RBFOX1: variants seen among roughly 807,000 people sequenced by gnomAD.
RBFOX1 encodes the protein RNA binding fox-1 homolog 1, also known as RNA binding protein fox-1 homolog 1.
RBFOX1 carries 8 observed loss-of-function variants against 57.7 expected under a neutral mutation model. The ratio of observed to expected loss-of-function variants is 0.14; its 90% confidence interval spans 0.08 to 0.25. The LOEUF is 0.25. Ranked by LOEUF, RBFOX1 falls within the 10% of genes least tolerant of loss-of-function variation. RBFOX1 has a pLI of 1.00. For synonymous variants in RBFOX1, 326 were observed against 222.4 expected, an observed-to-expected ratio of 1.47 and a Z score of -4.15; for missense variants, 611 against 548.5, an observed-to-expected ratio of 1.11 and a Z score of -1.14.
chr16:7,696,445 ATTTTCCAGGGTGGGCTAGT>A (rs1338704955), intron 14 of RBFOX1, among the ~76,000 whole-genome samples: 1 of 152,076 alleles, frequency 6.6e-6, no homozygotes, highest in African/African-American at 2.4e-5. Flanking sequence ...TTCATTAGGA[ATTTTCCAGGGTGGGCTAGT>A]GATTGTAGTA....
chr16:7,376,727 C>G (rs957822582), intron 4 of RBFOX1, among the ~76,000 whole-genome samples: 1 of 152,080 alleles, frequency 6.6e-6, no homozygotes, highest in Non-Finnish European at 1.5e-5. Flanking sequence ...ATAATTAATC[C>G]AGGTTTTAGA....
chr16:6,907,274 G>T (rs759662879), intron 3 of RBFOX1, among the ~76,000 whole-genome samples: 1 of 152,176 alleles, frequency 6.6e-6, no homozygotes, highest in African/African-American at 2.4e-5. Flanking sequence ...AGTGCTGACA[G>T]TGAGAGTCAT....
At chr16:7,214,087 A>T (rs942423291) in intron 4 of RBFOX1, among the ~76,000 whole-genome samples, 27 of 150,458 alleles carry the variant, frequency 1.8e-4, no homozygotes, top group South Asian at 1.3e-3. Context: ...AAAAAAAAAA[A>T]ATTTTTCCAC....
Position 5,624,973 on chromosome 16 carries a change from G to A in RBFOX1, c.318+26012G>A, listed in dbSNP as rs183076003. 3.8e-3 allele frequency among the ~76,000 whole-genome samples: 579 copies of A among 152,322 alleles called. 1 individual carries two copies. The highest frequency in any genetic ancestry group is 0.024 in the Middle Eastern group (7 of 294). On this transcript the variant is annotated intron_variant, in intron 3 of 19. Transcript: ENST00000641259. ...GGACCCCACCCGGATTTGGGGCCGT[G>A]TGATTGAGGGTGACTCTCGGGCCAG...
At chr16:7,605,626 C>G (rs1478547174) in intron 9 of RBFOX1, among the ~76,000 whole-genome samples, 1 of 152,088 alleles carries the variant, frequency 6.6e-6, no homozygotes, top group Non-Finnish European at 1.5e-5. Flanking sequence ...GTTAAGAACA[C>G]CTCTGGGCTA....
intron 1 of RBFOX1, among the ~76,000 whole-genome samples, chr16:6,043,262 C>T (rs1408775991): frequency 6.7e-6 from 1 of 149,182 alleles, no homozygotes; most frequent in African/African-American, 2.4e-5. Flanking sequence ...GTTTTCAGAT[C>T]TTAAAAGGTG....
chr16:7,209,576 C>A (rs1304792148), intron 4 of RBFOX1, among the ~76,000 whole-genome samples: 2 of 152,282 alleles, frequency 1.3e-5, no homozygotes, highest in South Asian at 4.1e-4. Context: ...AGAGGCCAAC[C>A]CTCACCTTCT....
At chr16:6,269,072 A>G (rs1261411468) in intron 1 of RBFOX1, among the ~76,000 whole-genome samples, 1 of 152,224 alleles carries the variant, frequency 6.6e-6, no homozygotes, top group East Asian at 1.9e-4. Context: ...TACTTATAAT[A>G]CCTAACATAA....
chr16:6,815,027 C>T (rs774897888), intron 3 of RBFOX1, among the ~76,000 whole-genome samples: 3 of 152,156 alleles, frequency 2.0e-5, no homozygotes, highest in Non-Finnish European at 4.4e-5. Context: ...TGATTATATG[C>T]TAAACAAGGG....
intron 4 of RBFOX1, among the ~76,000 whole-genome samples, chr16:7,348,703 A>C (rs927243034): frequency 6.6e-6 from 1 of 152,220 alleles, no homozygotes. Context: ...GCACTTTGGG[A>C]GGCTGAGGAT....
At chr16:5,271,278 C>T (rs936470973) in intron 1 of RBFOX1, among the ~76,000 whole-genome samples, 1 of 152,104 alleles carries the variant, frequency 6.6e-6, no homozygotes, top group Non-Finnish European at 1.5e-5. Flanking sequence ...GGCTTGAGGC[C>T]AGGAGTAATT....
At chr16:6,284,836 C>T (rs1044696225) in intron 1 of RBFOX1, among the ~76,000 whole-genome samples, 8 of 152,086 alleles carry the variant, frequency 5.3e-5, no homozygotes, top group East Asian at 1.9e-4. Context: ...ACATTATATA[C>T]GAGTGCATGG....
chr16:7,208,955 C>T (rs1328401954), intron 4 of RBFOX1, among the ~76,000 whole-genome samples: 1 of 151,970 alleles, frequency 6.6e-6, no homozygotes, highest in Non-Finnish European at 1.5e-5. Context: ...ATGAGGGACC[C>T]ATCTACTCTT....
At chr16:7,155,817 G>A (rs1006558556) in intron 4 of RBFOX1, among the ~76,000 whole-genome samples, 2 of 146,934 alleles carry the variant, frequency 1.4e-5, no homozygotes, top group African/African-American at 5.1e-5. Flanking sequence ...ATTTGTATAT[G>A]TAAATGTGCT....
rs190130014 is a variant in RBFOX1 at position 7,527,072 on chromosome 16, C to A, written c.270+8683C>A. ...CGAGTGTGCTCTTGTTTGAGACCTG[C>A]GCCTTGAGCAAACTCCAATAACATG... On this transcript the variant is annotated intron_variant, in intron 5 of 15. Transcript: ENST00000550418. Among the ~76,000 whole-genome samples the A allele has an allele frequency of 3.9e-5, 6 of 152,298 alleles. No homozygotes were observed. In the East Asian group the frequency reaches 7.7e-4, roughly 20 times the overall value.
intron 3 of RBFOX1, among the ~76,000 whole-genome samples, chr16:6,933,520 C>G (rs1341645331): frequency 6.6e-6 from 1 of 152,214 alleles, no homozygotes; most frequent in East Asian, 1.9e-4. Flanking sequence ...CCAGACCAGC[C>G]TGACCAGCAT....
At chr16:7,632,907 CCA>C (rs747817914) in intron 11 of RBFOX1, among the ~76,000 whole-genome samples, 5 of 152,050 alleles carry the variant, frequency 3.3e-5, no homozygotes, top group Non-Finnish European at 7.4e-5. Flanking sequence ...ACAATCAACT[CCA>C]AAAGTGTGCT....
intron 9 of RBFOX1, among the ~76,000 whole-genome samples, chr16:7,600,695 C>T (rs2094964626): frequency 1.3e-5 from 2 of 152,220 alleles, no homozygotes; most frequent in Admixed American, 6.5e-5. Flanking sequence ...ATGCCAGCAT[C>T]ACCTTCATGC....
chr16:5,698,513 C>T (rs891791802), intron 3 of RBFOX1, among the ~76,000 whole-genome samples: 11 of 152,062 alleles, frequency 7.2e-5, no homozygotes, highest in African/African-American at 2.7e-4. Context: ...GTTTTTTGTA[C>T]AGAGCTGCTT....
Sources: gnomAD v4.1 joint callset for allele counts (sites outside exome capture counted in the v4.1 genomes callset) on GRCh38, gnomAD v4.1.1 for gene constraint, MANE v1.5 for transcripts, NCBI Gene and HGNC (gene_info 2026-07-23, HGNC 2026-07-21) for gene names.